Variants in PGM1 observed in about 807,000 individuals in gnomAD.
PGM1 encodes the protein phosphoglucomutase-1.
A neutral mutation model predicts 55.6 loss-of-function variants in PGM1; 52 were observed. The ratio of observed to expected loss-of-function variants is 0.94; its 90% CI spans 0.75 to 1.18. PGM1 has a LOEUF of 1.18. PGM1 is among the 50% of genes most tolerant of loss of function. PGM1 has a pLI of 0.00. For synonymous variants in PGM1, 287 were observed against 271.7 expected (o/e 1.06, Z -0.55); for missense variants, 724 against 729.3 (o/e 0.99, Z 0.08).
At chr1:63,609,488 G>A (rs1390498191) in intron 1 of PGM1, among the ~76,000 whole-genome samples, 1 of 152,176 alleles carries the variant, frequency 6.6e-6, no homozygotes, top group Non-Finnish European at 1.5e-5. Context: ...GGGGAGACAG[G>A]CACTCCATGG....
chr1:63,650,560 A>G (rs763353392), intron 8 of PGM1, among the ~76,000 whole-genome samples: 18 of 152,236 alleles, frequency 1.2e-4, no homozygotes, highest in Non-Finnish European at 2.4e-4. Flanking sequence ...TTAATTCCTC[A>G]GCATTTCTCA....
intron 1 of PGM1, among the ~76,000 whole-genome samples, chr1:63,627,702 G>A (rs750727136): frequency 6.6e-6 from 1 of 152,016 alleles, no homozygotes; most frequent in Non-Finnish European, 1.5e-5. Flanking sequence ...TGACATGGGT[G>A]GTGTAGCTTA....
At chr1:63,599,693 G>A (rs1054586905) in intron 1 of PGM1, among the ~76,000 whole-genome samples, 3 of 152,092 alleles carry the variant, frequency 2.0e-5, no homozygotes, top group African/African-American at 7.2e-5. Flanking sequence ...GAGACACTGA[G>A]GTAGGAGGAT....
chr1:63,598,936 G>GA (rs1488435963), intron 1 of PGM1, among the ~76,000 whole-genome samples: 7 of 152,180 alleles, frequency 4.6e-5, no homozygotes, highest in African/African-American at 1.7e-4. Flanking sequence ...CGCTTGAAGT[G>GA]AACCACCCTT....
At chr1:63,650,828 T>G (rs1426209341) in intron 8 of PGM1, among the ~76,000 whole-genome samples, 1 of 152,142 alleles carries the variant, frequency 6.6e-6, no homozygotes, top group Non-Finnish European at 1.5e-5. Flanking sequence ...ACTGGGCCTC[T>G]TCTGTCAGGG....
At chr1:63,595,956 T>G (rs1648053056) in intron 1 of PGM1, among the ~76,000 whole-genome samples, 1 of 152,178 alleles carries the variant, frequency 6.6e-6, no homozygotes, top group Non-Finnish European at 1.5e-5. Flanking sequence ...CATTCTCACC[T>G]CCGGTTTACT....
intron 1 of PGM1, chr1:63,593,956 C>T (rs941363567): frequency 3.9e-5 from 47 of 1,205,634 alleles, no homozygotes; most frequent in Non-Finnish European, 4.4e-5. Context: ...GACCTGCTCG[C>T]CTGACTCCCG....
chr1:63,656,566 A>G (rs921266516), intron 10 of PGM1, among the ~76,000 whole-genome samples: 2 of 136,654 alleles, frequency 1.5e-5, no homozygotes, highest in South Asian at 4.7e-4. Context: ...GAATGAAGAC[A>G]TTGTGGTGTG....
Position 63,648,668 on chromosome 1 carries a change from G to C in PGM1, c.1280+16G>C. On this transcript the variant is annotated intron_variant, in intron 8 of 10. Coordinates refer to ENST00000371084, the MANE Select transcript of PGM1 (RefSeq NM_002633.3). The stretch of plus-strand genomic sequence containing the variant: ...TCTTCACCAGGTGAGCCACAGCCCA[G>C]CTGGGGTACAAGGTAAGGTGGGGAA... 1 of 1,613,290 alleles carries C rather than the reference G, an allele frequency of 6.2e-7. No homozygotes were observed. Among genetic ancestry groups the C allele is most frequent in the Non-Finnish European group, 8.5e-7 (1 of 1,179,810 alleles).
At position 63,653,704 on chromosome 1, in the gene PGM1, G is replaced by T. The variant is rs76700309; in HGVS notation, c.1465-628G>T. ...CAGAGATACCGCTGGGGAGGAAAAA[G>T]AGAGGGCAGCAGAGAGAAGGATGGG... is the stretch of plus-strand genomic sequence containing the variant. On this transcript the variant is annotated intron_variant, in intron 9 of 10. Coordinates refer to ENST00000371084, the MANE Select transcript of PGM1 (RefSeq NM_002633.3). 1.7e-3 allele frequency among the ~76,000 whole-genome samples: 256 copies of T among 152,324 alleles called. 1 individual carries two copies. The highest frequency in any genetic ancestry group is 2.5e-3 in the South Asian group (12 of 4,822).
At chr1:63,613,259 C>CTTTTTTTTTT (rs11377805) in intron 1 of PGM1, among the ~76,000 whole-genome samples, 7 of 107,868 alleles carry the variant, frequency 6.5e-5, no homozygotes, top group South Asian at 6.2e-4. Flanking sequence ...GTTGGCTTAT[C>CTTTTTTTTTT]TTTTTTTTTT....
intron 8 of PGM1, among the ~76,000 whole-genome samples, chr1:63,650,926 T>A (rs1238269819): frequency 7.3e-5 from 11 of 151,418 alleles, no homozygotes; most frequent in Admixed American, 6.6e-5. Context: ...AAAAAAAAAA[T>A]TGGGAGAGCA....
At chr1:63,604,673 C>T (rs59824845) in intron 1 of PGM1, among the ~76,000 whole-genome samples, 22,276 of 152,040 alleles carry the variant, frequency 0.15, 2,121 homozygotes, top group South Asian at 0.22. Flanking sequence ...TGCCATGGTC[C>T]ACCTCTTTGG....
intron 1 of PGM1, among the ~76,000 whole-genome samples, chr1:63,615,922 A>C (rs1648700111): frequency 6.6e-6 from 1 of 152,100 alleles, no homozygotes; most frequent in African/African-American, 2.4e-5. Context: ...GGGAGCCCAT[A>C]GAGTTGTGCA....
At chr1:63,620,805 C>A (rs1454449114) in intron 1 of PGM1, among the ~76,000 whole-genome samples, 2 of 152,138 alleles carry the variant, frequency 1.3e-5, no homozygotes, top group Non-Finnish European at 2.9e-5. Flanking sequence ...ATCCTTAAAT[C>A]CCCCATATGG....
rs1557433847 is a variant in PGM1, at chr1:63,633,947, T to TA, written c.683-882_683-881insA. 6.1e-4 allele frequency among the ~76,000 whole-genome samples: 73 copies of TA among 119,774 alleles called. 3 individuals are homozygous for TA. Among genetic ancestry groups the TA allele is most frequent in the Admixed American group, 8.5e-4 (10 of 11,806 alleles). The allele number at this position is 119,774 out of a possible 152,430, so 78.6% of individuals were successfully genotyped here. ...ATATATATATATTTTTTTTTTTTTTTTTTTTTTTTTTTTTAGTAGAGACAG... is the reference window on the plus strand; with the variant it reads ...ATATATATATATTTTTTTTTTTTTTTATTTTTTTTTTTTTTAGTAGAGACAG... On this transcript the variant is annotated intron_variant, in intron 4 of 10. Transcript: ENST00000371084.
intron 1 of PGM1, among the ~76,000 whole-genome samples, chr1:63,607,056 C>T (rs1167471467): frequency 6.6e-6 from 1 of 152,212 alleles, no homozygotes; most frequent in Non-Finnish European, 1.5e-5. Flanking sequence ...ACAACCATCA[C>T]CACAATCTAA....
chr1:63,614,943 A>T (rs941737430), intron 1 of PGM1, among the ~76,000 whole-genome samples: 3 of 136,358 alleles, frequency 2.2e-5, no homozygotes, highest in African/African-American at 9.4e-5. Context: ...TTTACAAATA[A>T]AGAAACTGAG....
intron 1 of PGM1, among the ~76,000 whole-genome samples, chr1:63,594,929 C>G (rs1648004844): frequency 6.8e-6 from 1 of 147,674 alleles, no homozygotes; most frequent in Non-Finnish European, 1.5e-5. Context: ...CCACTGCACT[C>G]TAGCCTCGGC....
Sources: gnomAD v4.1 joint callset for allele counts (sites outside exome capture counted in the v4.1 genomes callset) on GRCh38, gnomAD v4.1.1 for gene constraint, MANE v1.5 for transcripts, NCBI Gene and HGNC (gene_info 2026-07-23, HGNC 2026-07-21) for gene names.